The following DLGAP1 variants were observed in gnomAD, a reference collection of about 807,000 sequenced individuals.
DLGAP1 encodes DLG associated protein 1, also known as disks large-associated protein 1.
A neutral mutation model predicts 90.8 loss-of-function variants in DLGAP1; 11 were observed. The ratio of observed to expected loss-of-function variants is 0.12; its 90% CI spans 0.08 to 0.20. DLGAP1 has a LOEUF of 0.20. DLGAP1 is among the 10% of genes least tolerant of loss of function. The pLI is 1.00. For synonymous variants in DLGAP1, 558 were observed against 540.7 expected (o/e 1.03, Z -0.44); for missense variants, 1,050 against 1,333.8 (o/e 0.79, Z 3.31).
chr18:4,043,453 A>T (rs1316917766), intron 2 of DLGAP1, among the ~76,000 whole-genome samples: 1 of 152,194 alleles, frequency 6.6e-6, no homozygotes, highest in Non-Finnish European at 1.5e-5. Context: ...TCAACAAACC[A>T]TATGTTATAT....
chr18:4,315,533 C>T (rs994211167), intron 1 of DLGAP1, among the ~76,000 whole-genome samples: 1 of 152,092 alleles, frequency 6.6e-6, no homozygotes, highest in Non-Finnish European at 1.5e-5. Context: ...TAGAAGTAGA[C>T]AAGTAAAAAG....
intron 3 of DLGAP1, among the ~76,000 whole-genome samples, chr18:3,917,994 C>T (rs1039748022): frequency 3.9e-5 from 6 of 152,096 alleles, no homozygotes; most frequent in African/African-American, 1.4e-4. Flanking sequence ...CTTGGCTCTC[C>T]CTCCTTCATA....
chr18:4,254,282 A>C (rs1199706146), intron 1 of DLGAP1, among the ~76,000 whole-genome samples: 1 of 152,184 alleles, frequency 6.6e-6, no homozygotes, highest in Non-Finnish European at 1.5e-5. Flanking sequence ...AATTTTTAAC[A>C]ATTAAATGGA....
chr18:4,401,605 T>C (rs1446186917), intron 1 of DLGAP1, among the ~76,000 whole-genome samples: 1 of 152,192 alleles, frequency 6.6e-6, no homozygotes, highest in Non-Finnish European at 1.5e-5. Context: ...ATCCCGTTGA[T>C]CATAGGGAAG....
chr18:4,178,473 CT>C (rs2077155070), intron 1 of DLGAP1, among the ~76,000 whole-genome samples: 1 of 152,060 alleles, frequency 6.6e-6, no homozygotes, highest in Non-Finnish European at 1.5e-5. Context: ...TATGAATAAT[CT>C]TAAGGTCAGA....
chr18:3,663,729 A>G (rs1479979267), intron 7 of DLGAP1, among the ~76,000 whole-genome samples: 1 of 152,224 alleles, frequency 6.6e-6, no homozygotes, highest in Non-Finnish European at 1.5e-5. Context: ...TGAAGGTGCC[A>G]GGCATGTGAA....
chr18:4,004,616 G>C (rs140070606), intron 3 of DLGAP1, among the ~76,000 whole-genome samples: 1 of 152,306 alleles, frequency 6.6e-6, no homozygotes, highest in Non-Finnish European at 1.5e-5. Context: ...TCATCAGACA[G>C]AGGGCGTCTC....
intron 1 of DLGAP1, among the ~76,000 whole-genome samples, chr18:4,284,042 G>A (rs928934274): frequency 2.0e-5 from 3 of 152,122 alleles, no homozygotes; most frequent in Non-Finnish European, 4.4e-5. Context: ...CATGGTGTGT[G>A]TCTGTAGTTC....
intron 7 of DLGAP1, among the ~76,000 whole-genome samples, chr18:3,709,231 A>T (rs1444014122): frequency 6.6e-6 from 1 of 152,206 alleles, no homozygotes; most frequent in Non-Finnish European, 1.5e-5. Flanking sequence ...GTGCAACCTG[A>T]CATGCACTCC....
intron 2 of DLGAP1, among the ~76,000 whole-genome samples, chr18:4,042,807 T>C (rs539169537): frequency 6.6e-6 from 1 of 152,294 alleles, no homozygotes; most frequent in South Asian, 2.1e-4. Context: ...ACGATGTATA[T>C]CACTTCTTTT....
At chr18:4,364,516 A>G (rs1567863564) in intron 1 of DLGAP1, among the ~76,000 whole-genome samples, 1 of 152,108 alleles carries the variant, frequency 6.6e-6, no homozygotes, top group African/African-American at 2.4e-5. Flanking sequence ...AATGAAACAA[A>G]CAGTAATGGC....
At chr18:3,759,257 CAA>C (rs397754258) in intron 5 of DLGAP1, among the ~76,000 whole-genome samples, 2 of 105,124 alleles carry the variant, frequency 1.9e-5, no homozygotes, top group Non-Finnish European at 2.1e-5. Flanking sequence ...ATTGCTCTGC[CAA>C]AAAAAAAAAA....
At chr18:3,514,088 T>C (rs1164647190) in intron 10 of DLGAP1, among the ~76,000 whole-genome samples, 1 of 150,302 alleles carries the variant, frequency 6.7e-6, no homozygotes, top group African/African-American at 2.4e-5. Context: ...AAGGCAGACG[T>C]GCTCATTTCT....
intron 2 of DLGAP1, among the ~76,000 whole-genome samples, chr18:4,032,776 A>G (rs888708423): frequency 6.6e-6 from 1 of 151,738 alleles, no homozygotes; most frequent in Admixed American, 6.6e-5. Flanking sequence ...ACTATCCACT[A>G]TAGGAGTGTT....
At chr18:4,349,502 A>G (rs1224603265) in intron 1 of DLGAP1, among the ~76,000 whole-genome samples, 1 of 152,110 alleles carries the variant, frequency 6.6e-6, no homozygotes, top group East Asian at 1.9e-4. Context: ...TCTGGGGAAT[A>G]GGAGAACGGG....
chr18:4,306,037 C>CAT (rs1447096835), intron 1 of DLGAP1, among the ~76,000 whole-genome samples: 16 of 18,176 alleles, frequency 8.8e-4, no homozygotes, highest in African/African-American at 1.2e-3. Flanking sequence ...CACAAATACA[C>CAT]ACACACACAC....
At chr18:4,018,406 T>A (rs551091381) in intron 2 of DLGAP1, among the ~76,000 whole-genome samples, 4 of 152,302 alleles carry the variant, frequency 2.6e-5, no homozygotes, top group Admixed American at 2.0e-4. Context: ...GTGAGGCAGC[T>A]CCCTTTGGCC....
At chr18:4,046,729 T>G (rs1336105590) in intron 2 of DLGAP1, among the ~76,000 whole-genome samples, 1 of 152,234 alleles carries the variant, frequency 6.6e-6, no homozygotes. Flanking sequence ...GTGAATACAT[T>G]GGGACAATTT....
At chr18:3,897,010 A>T (rs1213844404) in intron 3 of DLGAP1, 2 of 152,222 alleles carry the variant, frequency 1.3e-5, no homozygotes, top group African/African-American at 4.8e-5. Flanking sequence ...AGTCCATCAC[A>T]TTTCTACACC....
Sources: allele counts gnomAD v4.1 joint callset (sites outside exome capture counted in the v4.1 genomes callset), GRCh38; gene constraint gnomAD v4.1.1; transcripts MANE v1.5; gene names NCBI Gene and HGNC (gene_info 2026-07-23, HGNC 2026-07-21).